The following MOCOS variants were observed in gnomAD, a reference collection of about 807,000 sequenced individuals.
The protein encoded by MOCOS is molybdenum cofactor sulfurase, also known as human molybdenum cofactor sulfurase.
In MOCOS, 86 loss-of-function variants were observed where a neutral mutation model predicts 83.6. That is an observed-to-expected ratio of 1.03 (90% confidence interval 0.86 to 1.23). MOCOS has a LOEUF of 1.23. Ranked by LOEUF, MOCOS falls within the 50% of genes most tolerant of loss-of-function variation. MOCOS has a pLI of 0.00. For synonymous variants in MOCOS, 445 were observed against 434.7 expected (o/e 1.02, Z -0.29); for missense variants, 1,120 against 1,126.9 (o/e 0.99, Z 0.09).
chr18:36,255,672 A>G lies in MOCOS; in HGVS notation c.2165-1296A>G, dbSNP rs79980277. On this transcript the variant is annotated intron_variant, in intron 11 of 14. Coordinates refer to ENST00000261326, the MANE Select transcript of MOCOS (RefSeq NM_017947.4). ...GGCAGATCTGGAGGGCAGTTCTCTC[A>G]AAAGTATCCGTTTGCGTCTACTCTG... Among the ~76,000 whole-genome samples, 44 of 152,216 alleles carry G rather than the reference A, an allele frequency of 2.9e-4. No homozygotes were observed. The East Asian group carries it at 8.1e-3, about 28-fold the overall frequency.
At chr18:36,215,212 C>T (rs1261628981) in intron 7 of MOCOS, among the ~76,000 whole-genome samples, 1 of 152,164 alleles carries the variant, frequency 6.6e-6, no homozygotes. Context: ...TTTGACACCT[C>T]TGTGAGCCAG....
Position 36,203,152 on chromosome 18 carries a change from G to A in MOCOS, c.981G>A (p.Ala327=), listed in dbSNP as rs35497696. The A allele has an allele frequency of 1.3e-3, 2,021 of 1,614,156 alleles. 20 individuals carry two copies. The African/African-American group carries it at 0.023, about 18-fold the overall frequency. ...CCATCTCATTCCTTGATGTTATCGC[G>A]CTAAAACATGGATTTGACACCCTAG... ...DGTISFLDVI[A]LKHGFDTLER... is the part of the protein sequence containing the mutation. Residue 327 remains alanine (A), a synonymous_variant, in exon 5 of 15, where the codon GCG becomes GCA. Coordinates refer to ENST00000261326, the MANE Select transcript of MOCOS (RefSeq NM_017947.4).
chr18:36,234,316 C>T (rs2091549645), intron 9 of MOCOS, among the ~76,000 whole-genome samples: 1 of 152,110 alleles, frequency 6.6e-6, no homozygotes, highest in Non-Finnish European at 1.5e-5. Flanking sequence ...TTTTTGTTTG[C>T]TTTGTCGAAG....
chr18:36,204,130 G>A (rs747898876), intron 5 of MOCOS, among the ~76,000 whole-genome samples: 7 of 152,110 alleles, frequency 4.6e-5, no homozygotes, highest in African/African-American at 7.2e-5. Context: ...CAACTCAGTC[G>A]TAGTAAATAC....
rs1314378903 is a variant in MOCOS at position 36,214,258 on chromosome 18, A to G, written c.1335+776A>G. Among the ~76,000 whole-genome samples the G allele has an allele frequency of 1.8e-4, 7 of 39,888 alleles. 1 individual carries two copies. The Admixed American group carries it at 2.1e-3, about 12-fold the overall frequency. 26.2% of individuals were successfully genotyped at this position (39,888 alleles called of 152,430 possible). A position where few individuals can be genotyped will look rare whatever the true frequency, so the allele number is the denominator to read the frequency against. ...AAACTCAGTCTCAAAAAAAAAAAAA[A>G]AAAAGAAAAGAAAAAAAAGAAAATG... On this transcript the variant is annotated intron_variant, in intron 7 of 14. Coordinates refer to ENST00000261326, the MANE Select transcript of MOCOS (RefSeq NM_017947.4).
chr18:36,190,046 C>A (rs1370319937), intron 1 of MOCOS: 1 of 152,150 alleles, frequency 6.6e-6, no homozygotes, highest in African/African-American at 2.4e-5. Flanking sequence ...GCTTTCCCAC[C>A]CTTTTGTTTT....
chr18:36,205,361 A>G, intron 6 of MOCOS, 85 bp downstream of exon 6: 2 of 1,397,972 alleles, frequency 1.4e-6, no homozygotes, highest in Non-Finnish European at 2.0e-6. Context: ...AAGTCCATGC[A>G]CTGTTGAAGA....
At chr18:36,222,224 T>C (rs554651480) in intron 9 of MOCOS, among the ~76,000 whole-genome samples, 1 of 152,314 alleles carries the variant, frequency 6.6e-6, no homozygotes, top group African/African-American at 2.4e-5. Context: ...GGTATCCTGG[T>C]TGAAATTATT....
At chr18:36,210,726 C>T (rs895006044) in intron 6 of MOCOS, among the ~76,000 whole-genome samples, 9 of 151,438 alleles carry the variant, frequency 5.9e-5, no homozygotes, top group Non-Finnish European at 1.5e-5. Flanking sequence ...TGGCACACAC[C>T]TGTAACCCCA....
chr18:36,205,023 ATTGAG>A, intron 5 of MOCOS, 49 bp from the exon 6 acceptor site: 4 of 996,796 alleles, frequency 4.0e-6, no homozygotes, highest in Non-Finnish European at 4.6e-6. Context: ...AAAAGAGTGA[ATTGAG>A]AATTTACATA....
chr18:36,188,621 C>A (rs2091352041), intron 1 of MOCOS, among the ~76,000 whole-genome samples: 1 of 152,204 alleles, frequency 6.6e-6, no homozygotes, highest in Admixed American at 6.5e-5. Context: ...TCGCGATGAA[C>A]AACTGGTGAC....
At chr18:36,215,459 C>T in intron 7 of MOCOS, 57 bp from the exon 8 acceptor site, 1 of 1,525,508 alleles carries the variant, frequency 6.6e-7, no homozygotes, top group South Asian at 1.2e-5. Flanking sequence ...CGAACTGTTT[C>T]CAGTGTCTCT....
intron 13 of MOCOS, among the ~76,000 whole-genome samples, chr18:36,264,373 G>A (rs1450063454): frequency 6.6e-6 from 1 of 152,132 alleles, no homozygotes; most frequent in East Asian, 1.9e-4. Flanking sequence ...TGCAGGAGCT[G>A]GCCCCATGCA....
At chr18:36,233,506 A>G (rs943513616) in intron 9 of MOCOS, among the ~76,000 whole-genome samples, 1 of 152,208 alleles carries the variant, frequency 6.6e-6, no homozygotes, top group Non-Finnish European at 1.5e-5. Flanking sequence ...ATATGTGCAC[A>G]AGTGTCTTTT....
At chr18:36,229,793 C>T (rs1303042109) in intron 9 of MOCOS, among the ~76,000 whole-genome samples, 1 of 151,868 alleles carries the variant, frequency 6.6e-6, no homozygotes, top group Non-Finnish European at 1.5e-5. Context: ...TGTTGAACCT[C>T]TCTTATAATA....
At chr18:36,221,024 C>T (rs1422929847) in intron 9 of MOCOS, among the ~76,000 whole-genome samples, 1 of 151,850 alleles carries the variant, frequency 6.6e-6, no homozygotes, top group Non-Finnish European at 1.5e-5. Context: ...ATCATGTATA[C>T]TGCAGGCTTT....
Position 36,269,126 on chromosome 18 carries a change from G to A in MOCOS, c.*441G>A, listed in dbSNP as rs2091691339. 5.0e-6 allele frequency: 1 copy of A among 199,292 alleles called. No individual in the cohort carries two copies. Among genetic ancestry groups the A allele is most frequent in the Middle Eastern group, 2.3e-3 (1 of 434 alleles). 12.3% of individuals were successfully genotyped at this position (199,292 alleles called of 1,614,324 possible). A position where few individuals can be genotyped will look rare whatever the true frequency, so the allele number is the denominator to read the frequency against. On this transcript the variant is annotated 3_prime_UTR_variant, in exon 15 of 15. Coordinates refer to ENST00000261326, the MANE Select transcript of MOCOS (RefSeq NM_017947.4). ...CTATGCCCAGTGATCCTGGGTATGA[G>A]AAGGTGCTCCTCTCCTCCCATGTAC...
chr18:36,200,131 C>G lies in MOCOS; in HGVS notation c.748C>G (p.Leu250Val), dbSNP rs370378787. 1.9e-6 allele frequency: 3 copies of G among 1,614,104 alleles called. No homozygotes were observed. Among genetic ancestry groups the G allele is most frequent in the Non-Finnish European group, 2.5e-6 (3 of 1,180,048 alleles). ...CTACGTGAGCACCTCGCCTTTGGAC[C>G]TGTCAGCTCACCAGGCCGACTTTGT... ...ASYVSTSPLD[L>V]SAHQADFVPI... is the part of the protein sequence containing the mutation. The change falls in exon 4 of 15, where the codon CTG becomes GTG. Residue 250 changes from leucine to valine, a missense_variant. Coordinates refer to ENST00000261326, the MANE Select transcript of MOCOS (RefSeq NM_017947.4).
chr18:36,237,604 G>A (rs922893170), intron 9 of MOCOS, among the ~76,000 whole-genome samples: 1 of 151,978 alleles, frequency 6.6e-6, no homozygotes, highest in African/African-American at 2.4e-5. Flanking sequence ...TTCTTTGGTT[G>A]TGTCTCTGCC....
Sources: gnomAD v4.1 joint callset for allele counts (sites outside exome capture counted in the v4.1 genomes callset) on GRCh38, gnomAD v4.1.1 for gene constraint, MANE v1.5 for transcripts, NCBI Gene and HGNC (gene_info 2026-07-23, HGNC 2026-07-21) for gene names.